Variants in DNAJC10 observed in about 807,000 individuals in gnomAD.
DNAJC10 encodes the protein endoplasmic reticulum disulfide reductase DNAJC10.
Under a neutral mutation model 115.0 loss-of-function variants are expected in DNAJC10, and 101 were observed. The observed-to-expected ratio is 0.88, with a 90% CI of 0.75 to 1.04. The LOEUF is 1.04. DNAJC10 is among the 50% of genes least tolerant of loss of function. The pLI, the probability that DNAJC10 is intolerant of heterozygous loss-of-function variation, is 0.00. For synonymous variants in DNAJC10, 307 were observed against 301.5 expected, an observed-to-expected ratio of 1.02 and a Z score of -0.19; for missense variants, 981 against 928.8, an observed-to-expected ratio of 1.06 and a Z score of -0.73.
intron 5 of DNAJC10, among the ~76,000 whole-genome samples, chr2:182,726,996 C>G (rs1215831739): frequency 6.6e-6 from 1 of 151,900 alleles, no homozygotes; most frequent in Admixed American, 6.6e-5. Flanking sequence ...GGCTAGATGA[C>G]AAGCATGAGC....
chr2:182,730,574 G>A (rs948803696), intron 8 of DNAJC10: 2 of 451,498 alleles, frequency 4.4e-6, no homozygotes, highest in South Asian at 3.1e-5. Context: ...ACCCAGTTGG[G>A]GAAAAGAGAA....
rs539564666 is a variant in DNAJC10 at position 182,769,666 on chromosome 2, T to TG, written c.2266-5647dup. Among the ~76,000 whole-genome samples, 465 of 152,176 alleles carry TG rather than the reference T, an allele frequency of 3.1e-3. 3 individuals carry two copies. Among genetic ancestry groups the TG allele is most frequent in the African/African-American group, 0.011 (453 of 41,536 alleles). On this transcript the variant is annotated intron_variant, in intron 22 of 23. Coordinates refer to ENST00000264065, the MANE Select transcript of DNAJC10 (RefSeq NM_018981.4). Reference sequence around the variant, plus strand: ...TTCATATCCTTTGCCCACTTTTTGATGGGTTTTTTTTTATTGTAAATTTGT... The same window carrying TG: ...TTCATATCCTTTGCCCACTTTTTGATGGGGTTTTTTTTTATTGTAAATTTGT...
intron 10 of DNAJC10, among the ~76,000 whole-genome samples, chr2:182,733,121 A>C (rs1002064583): frequency 6.6e-6 from 1 of 152,014 alleles, no homozygotes; most frequent in Non-Finnish European, 1.5e-5. Flanking sequence ...TACATGATCT[A>C]TAATTTCTAA....
At chr2:182,722,170 T>C (rs1048533897) in intron 5 of DNAJC10, 95 bp downstream of exon 5, 3 of 924,206 alleles carry the variant, frequency 3.2e-6, no homozygotes, top group African/African-American at 3.4e-5. Context: ...TAGAAATCTT[T>C]TGGAGTTTCG....
intron 22 of DNAJC10, among the ~76,000 whole-genome samples, chr2:182,771,826 C>T (rs1172605565): frequency 6.6e-6 from 1 of 152,040 alleles, no homozygotes; most frequent in Non-Finnish European, 1.5e-5. Flanking sequence ...TCTTTCAGTT[C>T]TGCTCTGATC....
chr2:182,741,439 T>C, intron 13 of DNAJC10, 83 bp downstream of exon 13: 1 of 622,912 alleles, frequency 1.6e-6, no homozygotes, highest in Non-Finnish European at 2.6e-6. Flanking sequence ...TTAAATAACA[T>C]AAAAACTCTT....
At chr2:182,751,370 G>A (rs998800072) in intron 14 of DNAJC10, among the ~76,000 whole-genome samples, 2 of 151,816 alleles carry the variant, frequency 1.3e-5, no homozygotes, top group South Asian at 2.1e-4. Context: ...TCTTGACCTC[G>A]TGATCTGCCC....
Position 182,783,439 on chromosome 2 carries a change from A to C in DNAJC10, c.*6307A>C, listed in dbSNP as rs552170136. The C allele has an allele frequency of 3.9e-4, 59 of 152,206 alleles. No individual in the cohort carries two copies. Among genetic ancestry groups the C allele is most frequent in the Middle Eastern group, 3.4e-3 (1 of 292 alleles). 9.4% of individuals were successfully genotyped at this position (152,206 alleles called of 1,614,324 possible). A position where few individuals can be genotyped will look rare whatever the true frequency, so the allele number is the denominator to read the frequency against. ...GGCAAAAAATACATATACACACACAAAAAAAATATTTCAGCAGCCACTGCC... is the reference window on the plus strand; with the variant it reads ...GGCAAAAAATACATATACACACACACAAAAAATATTTCAGCAGCCACTGCC... On this transcript the variant is annotated 3_prime_UTR_variant, in exon 24 of 24. Coordinates refer to ENST00000264065, the MANE Select transcript of DNAJC10 (RefSeq NM_018981.4).
intron 10 of DNAJC10, among the ~76,000 whole-genome samples, chr2:182,735,562 A>G (rs1411360024): frequency 1.3e-5 from 2 of 152,076 alleles, no homozygotes; most frequent in East Asian, 1.9e-4. Context: ...GTAGGTTAAT[A>G]TCTTTCATCA....
chr2:182,749,840 G>A (rs188415830), intron 14 of DNAJC10, among the ~76,000 whole-genome samples: 3 of 152,122 alleles, frequency 2.0e-5, no homozygotes, highest in Non-Finnish European at 2.9e-5. Context: ...ATTTAGCTGG[G>A]TAGTTCCAGA....
At chr2:182,736,520 C>A in intron 11 of DNAJC10, 134 bp downstream of exon 11, 1 of 505,222 alleles carries the variant, frequency 2.0e-6, no homozygotes, top group Non-Finnish European at 3.1e-6. Context: ...TTATTTAGAA[C>A]ACATACTTAA....
intron 17 of DNAJC10, 140 bp downstream of exon 17, chr2:182,755,244 T>G: frequency 1.6e-6 from 1 of 631,538 alleles, no homozygotes; most frequent in Non-Finnish European, 2.8e-6. Flanking sequence ...TAAAGAATTT[T>G]TCTAATGTTT....
At chr2:182,741,169 A>C (rs1263157135) in intron 12 of DNAJC10, 74 bp from the exon 13 acceptor site, 1 of 1,016,362 alleles carries the variant, frequency 9.8e-7, no homozygotes, top group Non-Finnish European at 1.5e-6. Context: ...AACTAACTTC[A>C]AGTCATAGAA....
intron 5 of DNAJC10, among the ~76,000 whole-genome samples, chr2:182,727,542 A>G (rs1437159620): frequency 6.6e-6 from 1 of 152,092 alleles, no homozygotes; most frequent in East Asian, 1.9e-4. Flanking sequence ...TTGCCAAAGA[A>G]CAGCCCATAG....
intron 14 of DNAJC10, among the ~76,000 whole-genome samples, chr2:182,744,535 A>G (rs1371483362): frequency 6.6e-6 from 1 of 152,192 alleles, no homozygotes; most frequent in Non-Finnish European, 1.5e-5. Context: ...AAAGTGCTCA[A>G]TTTCCCCAAG....
Position 182,786,750 on chromosome 2 carries a change from T to C in DNAJC10, c.*9618T>C, listed in dbSNP as rs1446104056. 1 of 152,198 alleles carries C rather than the reference T, an allele frequency of 6.6e-6. No homozygotes were observed. Among genetic ancestry groups the C allele is most frequent in the Non-Finnish European group, 1.5e-5 (1 of 68,044 alleles). 9.4% of individuals were successfully genotyped at this position (152,198 alleles called of 1,614,324 possible). A position where few individuals can be genotyped will look rare whatever the true frequency, so the allele number is the denominator to read the frequency against. ...GCACACATCAGATTTCACACCGATC[T>C]ATGAAAAACTATTTTTAGAGATTAT... On this transcript the variant is annotated 3_prime_UTR_variant, in exon 24 of 24. Transcript: ENST00000264065.
intron 22 of DNAJC10, among the ~76,000 whole-genome samples, chr2:182,768,430 G>A (rs1694472029): frequency 6.6e-6 from 1 of 152,136 alleles, no homozygotes; most frequent in South Asian, 2.1e-4. Flanking sequence ...AGGAGTCCAG[G>A]GGACAAAGTT....
intron 5 of DNAJC10, among the ~76,000 whole-genome samples, chr2:182,722,520 A>G (rs1363472446): frequency 6.6e-6 from 1 of 150,444 alleles, no homozygotes; most frequent in Non-Finnish European, 1.5e-5. Context: ...ACCAGAATAG[A>G]TTCTTATACT....
At chr2:182,758,198 G>T (rs954961644) in intron 19 of DNAJC10, among the ~76,000 whole-genome samples, 1 of 152,094 alleles carries the variant, frequency 6.6e-6, no homozygotes, top group African/African-American at 2.4e-5. Flanking sequence ...AGTAAACTGT[G>T]ATTCTCAGAC....
Sources: allele counts gnomAD v4.1 joint callset (sites outside exome capture counted in the v4.1 genomes callset), GRCh38; gene constraint gnomAD v4.1.1; transcripts MANE v1.5; gene names NCBI Gene and HGNC (gene_info 2026-07-23, HGNC 2026-07-21).